EML1: variants seen among roughly 807,000 people sequenced by gnomAD.
EML1 encodes the protein EMAP like 1.
In EML1, 27 loss-of-function variants were observed where a neutral mutation model predicts 110.4. The ratio of observed to expected loss-of-function variants is 0.24; its 90% CI spans 0.18 to 0.34. The LOEUF (loss-of-function observed/expected upper bound fraction) is 0.34, where lower values mean the gene tolerates loss of function less well. Ranked by LOEUF, EML1 falls within the 10% of genes least tolerant of loss-of-function variation. EML1 has a pLI of 1.00. For missense variants in EML1, 741 were observed against 1,030.9 expected (o/e 0.72, Z 3.85); for synonymous variants, 344 against 385.8 (o/e 0.89, Z 1.27).
chr14:99,847,115 A>G lies in EML1; in HGVS notation c.68-3738A>G, dbSNP rs547932784. On this transcript the variant is annotated intron_variant, in intron 1 of 21. Coordinates refer to ENST00000262233, the MANE Select transcript of EML1 (RefSeq NM_004434.3). ...ATCTTCTTTGATCCAATGATTATTT[A>G]GAAATGTATTGCTTCATTTCCAAAT... Among the ~76,000 whole-genome samples, 2 of 152,326 alleles carry G rather than the reference A, an allele frequency of 1.3e-5. 1 individual carries two copies. Among genetic ancestry groups the G allele is most frequent in the South Asian group, 4.1e-4 (2 of 4,826 alleles).
intron 4 of EML1, among the ~76,000 whole-genome samples, chr14:99,881,039 TG>T (rs1480829210): frequency 6.6e-6 from 1 of 152,182 alleles, no homozygotes; most frequent in African/African-American, 2.4e-5. Context: ...CTAACGTAGT[TG>T]GGGGAAATAA....
At chr14:99,875,058 A>C in intron 3 of EML1, 1 of 1,464,524 alleles carries the variant, frequency 6.8e-7, no homozygotes, top group Non-Finnish European at 9.5e-7. Flanking sequence ...GTTTTAACGT[A>C]GTAGCTTCAA....
intron 1 of EML1, among the ~76,000 whole-genome samples, chr14:99,767,137 T>C (rs1366749481): frequency 6.6e-6 from 1 of 152,242 alleles, no homozygotes; most frequent in Non-Finnish European, 1.5e-5. Context: ...ATTTGACTTC[T>C]GCTAAAAAGT....
At chr14:99,742,520 A>G (rs2057054358) in intron 1 of EML1, among the ~76,000 whole-genome samples, 1 of 151,902 alleles carries the variant, frequency 6.6e-6, no homozygotes, top group South Asian at 2.1e-4. Flanking sequence ...AAGAGGAGGG[A>G]CCCGGAGGAG....
chr14:99,888,952 G>A (rs560885886), intron 4 of EML1, among the ~76,000 whole-genome samples: 25 of 152,254 alleles, frequency 1.6e-4, no homozygotes, highest in Non-Finnish European at 2.4e-4. Context: ...CCGCTCAGAC[G>A]CACTCCGCTT....
chr14:99,933,093 C>G (rs967887052), intron 17 of EML1, among the ~76,000 whole-genome samples: 1 of 152,124 alleles, frequency 6.6e-6, no homozygotes, highest in African/African-American at 2.4e-5. Context: ...GGTGACACAG[C>G]GAGACCCCAT....
chr14:99,806,316 CT>C (rs1198890041), intron 1 of EML1, among the ~76,000 whole-genome samples: 19,575 of 88,030 alleles, frequency 0.22, 1,154 homozygotes, highest in African/African-American at 0.32. Flanking sequence ...TCTCCAGAAT[CT>C]TTTTTTTTTT....
intron 1 of EML1, among the ~76,000 whole-genome samples, chr14:99,751,260 AG>A (rs1342071338): frequency 6.6e-6 from 1 of 151,880 alleles, no homozygotes; most frequent in Non-Finnish European, 1.5e-5. Context: ...TGAGAACCAC[AG>A]GGGGGTGGGC....
chr14:99,920,684 A>G, intron 16 of EML1, 105 bp from the exon 17 acceptor site: 2 of 880,322 alleles, frequency 2.3e-6, no homozygotes, highest in Non-Finnish European at 3.4e-6. Context: ...AATTCTGAGT[A>G]TTTATTAAGC....
chr14:99,924,730 G>A, intron 17 of EML1, among the ~76,000 whole-genome samples: 1 of 152,110 alleles, frequency 6.6e-6, no homozygotes, highest in African/African-American at 2.4e-5. Context: ...GGATAAAGAT[G>A]CCCTTTATCA....
At chr14:99,787,311 T>C (rs1228689753) in intron 1 of EML1, among the ~76,000 whole-genome samples, 6 of 149,588 alleles carry the variant, frequency 4.0e-5, no homozygotes, top group African/African-American at 1.5e-4. Context: ...TCACTCTTGT[T>C]GTCCAGGCTG....
In EML1 at chr14:99,865,548, C is replaced by T; in HGVS notation, c.285C>T (p.Thr95=). Residue 95 remains threonine, a synonymous_variant, in exon 3 of 22, where the codon ACC becomes ACT. Coordinates refer to ENST00000262233, the MANE Select transcript of EML1 (RefSeq NM_004434.3). ...TGATGCAGACCCTGCCTTTAAGAAC[C>T]ACGGTCAACAATGGCACTGTGTTAC... ...RPLMQTLPLR[T]TVNNGTVLPK... is the part of the protein sequence containing the mutation. 2 of 1,614,196 alleles carry T rather than the reference C, an allele frequency of 1.2e-6. No individual in the cohort carries two copies. The highest frequency in any genetic ancestry group is 8.5e-7 in the Non-Finnish European group (1 of 1,180,032).
At chr14:99,757,442 C>T (rs1440768573) in intron 1 of EML1, among the ~76,000 whole-genome samples, 1 of 152,056 alleles carries the variant, frequency 6.6e-6, no homozygotes, top group African/African-American at 2.4e-5. Flanking sequence ...TGCATACAGT[C>T]GCGCATACCG....
intron 2 of EML1, among the ~76,000 whole-genome samples, chr14:99,859,923 C>G: frequency 6.6e-6 from 1 of 152,216 alleles, no homozygotes; most frequent in Admixed American, 6.5e-5. Flanking sequence ...TCTAGGGTGT[C>G]TACTATGTGC....
At chr14:99,793,155 TC>T (rs1387408051), upstream of EML1, among the ~76,000 whole-genome samples, 2 of 147,582 alleles carry the variant, frequency 1.4e-5, no homozygotes, top group Non-Finnish European at 3.0e-5. Context: ...CCCCTGCGGC[TC>T]CCAGGCCGCC....
intron 1 of EML1, among the ~76,000 whole-genome samples, chr14:99,836,999 T>TTC (rs2058551808): frequency 6.6e-6 from 1 of 151,856 alleles, no homozygotes; most frequent in Non-Finnish European, 1.5e-5. Flanking sequence ...TAATTTTTTT[T>TTC]TTTTTTTGGA....
intron 1 of EML1, among the ~76,000 whole-genome samples, chr14:99,844,855 C>G (rs1244253409): frequency 6.6e-6 from 1 of 152,310 alleles, no homozygotes; most frequent in East Asian, 1.9e-4. Context: ...GTGTATCAGT[C>G]ATTCATCCCA....
rs530386008 is a variant in EML1 at position 99,912,323 on chromosome 14, C to T, written c.1494+747C>T. The stretch of plus-strand genomic sequence containing the variant: ...TAGGGCTGTGACTCCTTTTGATACC[C>T]GGTGTACCTCCCCATTATCTACTTG... On this transcript the variant is annotated intron_variant, in intron 13 of 21. Transcript: ENST00000262233. Among the ~76,000 whole-genome samples the T allele has an allele frequency of 4.3e-4, 66 of 152,250 alleles. No individual in the cohort carries two copies. The Middle Eastern group carries it at 0.014, about 31-fold the overall frequency.
intron 1 of EML1, among the ~76,000 whole-genome samples, chr14:99,758,407 G>C (rs553651319): frequency 8.5e-5 from 13 of 152,110 alleles, no homozygotes; most frequent in African/African-American, 2.7e-4. Flanking sequence ...ATTGCTTTGT[G>C]GGGGAGGAGA....
Sources: allele counts gnomAD v4.1 joint callset (sites outside exome capture counted in the v4.1 genomes callset), GRCh38; gene constraint gnomAD v4.1.1; transcripts MANE v1.5; gene names NCBI Gene and HGNC (gene_info 2026-07-23, HGNC 2026-07-21).